Variants in OPCML observed in about 807,000 individuals in gnomAD.
OPCML encodes opioid binding protein/cell adhesion molecule like.
OPCML carries 13 observed loss-of-function variants against 37.8 expected under a neutral mutation model. The ratio of observed to expected loss-of-function variants is 0.34; its 90% CI spans 0.22 to 0.55. The LOEUF is 0.55. Ranked by LOEUF, OPCML falls within the 20% of genes least tolerant of loss-of-function variation. The pLI, the probability that OPCML is intolerant of heterozygous loss-of-function variation, is 0.91. For missense variants in OPCML, 341 were observed against 435.6 expected (o/e 0.78, Z 1.93); for synonymous variants, 176 against 168.8 (o/e 1.04, Z -0.33).
chr11:132,836,703 A>C (rs998208655), intron 2 of OPCML, among the ~76,000 whole-genome samples: 2 of 152,138 alleles, frequency 1.3e-5, no homozygotes, highest in African/African-American at 4.8e-5. Flanking sequence ...AAATCCAACC[A>C]CTGTGAGCTA....
chr11:132,889,085 G>A (rs1367112409), intron 2 of OPCML, among the ~76,000 whole-genome samples: 1 of 152,184 alleles, frequency 6.6e-6, no homozygotes, highest in Non-Finnish European at 1.5e-5. Flanking sequence ...GAAAGAAGGT[G>A]GCTTTTGGGC....
At chr11:133,105,776 T>A (rs1458047574) in intron 1 of OPCML, among the ~76,000 whole-genome samples, 1 of 151,928 alleles carries the variant, frequency 6.6e-6, no homozygotes. Flanking sequence ...AGTTCAGGAG[T>A]TTGAGAAAAG....
At chr11:133,144,925 G>A (rs778414757) in intron 1 of OPCML, among the ~76,000 whole-genome samples, 18 of 152,164 alleles carry the variant, frequency 1.2e-4, no homozygotes, top group Non-Finnish European at 2.2e-4. Flanking sequence ...GCCGAGCAGC[G>A]AATTAATTCA....
chr11:132,542,303 C>A (rs1307332944), intron 3 of OPCML, among the ~76,000 whole-genome samples: 34 of 152,194 alleles, frequency 2.2e-4, no homozygotes. Context: ...TCCATCAGCT[C>A]CTGGCCTTCC....
chr11:133,032,535 T>C (rs561136652), intron 1 of OPCML, among the ~76,000 whole-genome samples: 28 of 152,324 alleles, frequency 1.8e-4, no homozygotes, highest in Non-Finnish European at 8.8e-5. Flanking sequence ...ATGCCTCAAA[T>C]GTACGATAGA....
intron 1 of OPCML, among the ~76,000 whole-genome samples, chr11:133,409,660 T>C (rs576689983): frequency 6.6e-6 from 1 of 152,184 alleles, no homozygotes; most frequent in Non-Finnish European, 1.5e-5. Flanking sequence ...CAAAGTCTCA[T>C]AGATACTAGT....
At chr11:133,364,987 TTTTTCC>T (rs755232565) in intron 1 of OPCML, among the ~76,000 whole-genome samples, 4 of 152,000 alleles carry the variant, frequency 2.6e-5, no homozygotes, top group Non-Finnish European at 5.9e-5. Flanking sequence ...ATGATCTGAC[TTTTTCC>T]TTTTCATCAA....
intron 2 of OPCML, among the ~76,000 whole-genome samples, chr11:132,886,271 C>T (rs1943411992): frequency 6.6e-6 from 1 of 152,184 alleles, no homozygotes; most frequent in South Asian, 2.1e-4. Context: ...AATAACAAGC[C>T]TCATGAACCT....
At chr11:133,217,748 T>A (rs1358517490) in intron 1 of OPCML, among the ~76,000 whole-genome samples, 1 of 152,168 alleles carries the variant, frequency 6.6e-6, no homozygotes, top group African/African-American at 2.4e-5. Flanking sequence ...AATACCAGGT[T>A]CCTGCCAAAG....
At chr11:132,646,740 C>G (rs566048260) in intron 3 of OPCML, among the ~76,000 whole-genome samples, 1 of 151,874 alleles carries the variant, frequency 6.6e-6, no homozygotes, top group African/African-American at 2.4e-5. Context: ...ATGCGAATTA[C>G]GAGAAGAGGA....
chr11:132,606,066 C>T (rs1437956897), intron 3 of OPCML, among the ~76,000 whole-genome samples: 1 of 152,140 alleles, frequency 6.6e-6, no homozygotes, highest in Non-Finnish European at 1.5e-5. Context: ...CAAGTGTCCT[C>T]AAGTACACTT....
intron 2 of OPCML, among the ~76,000 whole-genome samples, chr11:132,676,106 G>A (rs758170697): frequency 6.6e-6 from 1 of 152,140 alleles, no homozygotes; most frequent in African/African-American, 2.4e-5. Flanking sequence ...TAGATCAATG[G>A]AATAGAATTG....
intron 1 of OPCML, among the ~76,000 whole-genome samples, chr11:133,483,311 C>CAGATAGATAGATAGACAGATAGATAGAT (rs1555165541): frequency 4.9e-4 from 73 of 148,522 alleles, no homozygotes; most frequent in African/African-American, 1.4e-3. Flanking sequence ...GATAGATAGG[C>CAGATAGATAGATAGACAGATAGATAGAT]AGATAGATAG....
intron 3 of OPCML, among the ~76,000 whole-genome samples, chr11:132,603,682 T>C (rs1938080810): frequency 6.6e-6 from 1 of 152,204 alleles, no homozygotes; most frequent in South Asian, 2.1e-4. Flanking sequence ...AAACTTATCA[T>C]AGTGTATAAA....
intron 4 of OPCML, among the ~76,000 whole-genome samples, chr11:132,476,998 T>A (rs150944402): frequency 6.6e-6 from 1 of 152,222 alleles, no homozygotes. Flanking sequence ...TGAATTAATA[T>A]GATTTTTGTC....
In OPCML at chr11:133,421,365, G is replaced by T. The variant is rs1413188374; in HGVS notation, c.61+110899C>A. 1.4e-5 allele frequency: 14 copies of T among 985,312 alleles called. No homozygotes were observed. The Middle Eastern group carries it at 1.5e-3, about 109-fold the overall frequency. The allele number at this position is 985,312 out of a possible 1,614,324, so 61.0% of individuals were successfully genotyped here. A position where few individuals can be genotyped will look rare whatever the true frequency, so the allele number is the denominator to read the frequency against. ...AATGATTACAAGCCATCAAGATGGAGAACAGGGTGTCACTCGGAGACCAGA... is the reference window on the plus strand; with the variant it reads ...AATGATTACAAGCCATCAAGATGGATAACAGGGTGTCACTCGGAGACCAGA... On this transcript the variant is annotated intron_variant, in intron 1 of 7. Coordinates refer to ENST00000524381, the MANE Select transcript of OPCML (RefSeq NM_001012393.5).
At chr11:133,055,099 C>T (rs1213091084) in intron 1 of OPCML, among the ~76,000 whole-genome samples, 1 of 151,292 alleles carries the variant, frequency 6.6e-6, no homozygotes, top group Non-Finnish European at 1.5e-5. Flanking sequence ...AGGGAGCCGC[C>T]TCTACCGTAC....
chr11:133,399,753 C>T (rs6590694), intron 1 of OPCML, among the ~76,000 whole-genome samples: 33,680 of 151,826 alleles, frequency 0.22, 4,583 homozygotes, highest in African/African-American at 0.38. Context: ...CCAGACACAG[C>T]CTCATGCTAC....
intron 4 of OPCML, among the ~76,000 whole-genome samples, chr11:132,497,356 C>T (rs911186349): frequency 1.3e-4 from 19 of 150,664 alleles, no homozygotes; most frequent in Admixed American, 2.0e-4. Context: ...CACACATTTA[C>T]CTATATAACA....
Sources: allele counts gnomAD v4.1 joint callset (sites outside exome capture counted in the v4.1 genomes callset), GRCh38; gene constraint gnomAD v4.1.1; transcripts MANE v1.5; gene names NCBI Gene and HGNC (gene_info 2026-07-23, HGNC 2026-07-21).